Variants in GHR observed in about 807,000 individuals in gnomAD.
GHR encodes growth hormone receptor, also known as GH receptor.
A neutral mutation model predicts 67.1 loss-of-function variants in GHR; 35 were observed. The observed-to-expected ratio is 0.52, with a 90% CI of 0.40 to 0.69. The LOEUF (loss-of-function observed/expected upper bound fraction) is 0.69, where lower values mean the gene tolerates loss of function less well. Among genes scored for constraint, GHR ranks in the 30% least tolerant of loss-of-function variants. The pLI, the probability that GHR is intolerant of heterozygous loss-of-function variation, is 0.00. For missense variants in GHR, 792 were observed against 764.6 expected, an observed-to-expected ratio of 1.04 and a Z score of -0.42; for synonymous variants, 272 against 269.1, an observed-to-expected ratio of 1.01 and a Z score of -0.10.
chr5:42,690,149 T>C (rs745687621), intron 4 of GHR, among the ~76,000 whole-genome samples: 8 of 152,364 alleles, frequency 5.3e-5, no homozygotes, highest in Non-Finnish European at 1.0e-4. Flanking sequence ...CCCTTTATCC[T>C]TGGCTCAAGG....
intron 3 of GHR, among the ~76,000 whole-genome samples, chr5:42,653,506 G>A: frequency 6.6e-6 from 1 of 152,112 alleles, no homozygotes; most frequent in East Asian, 1.9e-4. Context: ...GAGCTTGTGA[G>A]GTTGTATTAT....
intron 1 of GHR, among the ~76,000 whole-genome samples, chr5:42,562,840 G>A (rs1374815810): frequency 6.6e-6 from 1 of 151,778 alleles, no homozygotes; most frequent in African/African-American, 2.4e-5. Flanking sequence ...TAGTAGAGAC[G>A]GGGTTTCACC....
intron 1 of GHR, among the ~76,000 whole-genome samples, chr5:42,519,687 A>G (rs182651824): frequency 6.6e-6 from 1 of 152,216 alleles, no homozygotes; most frequent in Non-Finnish European, 1.5e-5. Context: ...CCCCTTATCT[A>G]CATTTTAAAT....
intron 3 of GHR, among the ~76,000 whole-genome samples, chr5:42,676,586 G>GT: frequency 6.6e-6 from 1 of 151,872 alleles, no homozygotes; most frequent in African/African-American, 2.4e-5. Flanking sequence ...AACACCATAG[G>GT]TTAAAAAAAA....
At chr5:42,600,054 C>T (rs1279591901) in intron 2 of GHR, among the ~76,000 whole-genome samples, 2 of 152,176 alleles carry the variant, frequency 1.3e-5, no homozygotes, top group South Asian at 2.1e-4. Context: ...TTAGGCTAGA[C>T]ATCACTCTTT....
intron 1 of GHR, among the ~76,000 whole-genome samples, chr5:42,458,238 G>A (rs1744341052): frequency 6.6e-6 from 1 of 152,086 alleles, no homozygotes; most frequent in South Asian, 2.1e-4. Flanking sequence ...CATACTACAA[G>A]GCTACAGTAA....
intron 3 of GHR, among the ~76,000 whole-genome samples, chr5:42,635,687 G>A (rs1221864258): frequency 1.3e-5 from 2 of 152,118 alleles, no homozygotes; most frequent in African/African-American, 2.4e-5. Context: ...GCAATTTTCT[G>A]AGCAATGATA....
chr5:42,479,789 A>G (rs958791553), intron 1 of GHR, among the ~76,000 whole-genome samples: 2 of 151,916 alleles, frequency 1.3e-5, no homozygotes, highest in African/African-American at 4.8e-5. Flanking sequence ...CTTCTTTATT[A>G]GTCTTGCTAG....
At chr5:42,639,904 A>G (rs1754382114) in intron 3 of GHR, among the ~76,000 whole-genome samples, 1 of 152,168 alleles carries the variant, frequency 6.6e-6, no homozygotes, top group African/African-American at 2.4e-5. Context: ...TATTAGGTGA[A>G]TATCATACTA....
intron 1 of GHR, among the ~76,000 whole-genome samples, chr5:42,483,321 A>T (rs1051371655): frequency 6.6e-6 from 1 of 152,126 alleles, no homozygotes; most frequent in Non-Finnish European, 1.5e-5. Flanking sequence ...CAAAGTGCTG[A>T]AATTACAGGT....
intron 1 of GHR, among the ~76,000 whole-genome samples, chr5:42,494,254 C>A (rs958460249): frequency 1.1e-4 from 16 of 152,070 alleles, no homozygotes; most frequent in Admixed American, 3.9e-4. Flanking sequence ...CATCGGCAAC[C>A]ATATCCTGGC....
intron 1 of GHR, among the ~76,000 whole-genome samples, chr5:42,444,035 TATATATAATGG>T (rs1743706229): frequency 1.3e-5 from 2 of 151,954 alleles, no homozygotes; most frequent in Admixed American, 1.3e-4. Flanking sequence ...AGATAATGGA[TATATATAATGG>T]ATATATAATG....
At chr5:42,599,113 T>C (rs1752231571) in intron 2 of GHR, among the ~76,000 whole-genome samples, 1 of 152,228 alleles carries the variant, frequency 6.6e-6, no homozygotes, top group South Asian at 2.1e-4. Flanking sequence ...ATTTTGCTAG[T>C]AGCAGTGGAT....
At chr5:42,534,847 T>A (rs1372718216) in intron 1 of GHR, among the ~76,000 whole-genome samples, 3 of 151,978 alleles carry the variant, frequency 2.0e-5, no homozygotes, top group African/African-American at 4.8e-5. Flanking sequence ...TTTTTTTTAT[T>A]ATGGCCATCC....
In GHR at chr5:42,601,175, G is replaced by C. The variant is rs141029629; in HGVS notation, c.71-27863G>C. ...TTCCCGACTTGAGGTGATCCGCCCC[G>C]CTCAGCCTCCCAAAGTGCTGGGATT... is the stretch of plus-strand genomic sequence containing the variant. On this transcript the variant is annotated intron_variant, in intron 2 of 9. Coordinates refer to ENST00000230882, the MANE Select transcript of GHR (RefSeq NM_000163.5). Among the ~76,000 whole-genome samples, 657 of 151,666 alleles carry C rather than the reference G, an allele frequency of 4.3e-3. 3 individuals are homozygous for C. The highest frequency in any genetic ancestry group is 0.015 in the African/African-American group (635 of 41,386).
Position 42,575,432 on chromosome 5 carries a change from C to T in GHR, c.70+9488C>T, listed in dbSNP as rs150958443. Among the ~76,000 whole-genome samples, 391 of 151,878 alleles carry T rather than the reference C, an allele frequency of 2.6e-3. 2 individuals carry two copies. The highest frequency in any genetic ancestry group is 9.1e-3 in the African/African-American group (378 of 41,388). On this transcript the variant is annotated intron_variant, in intron 2 of 9. Coordinates refer to ENST00000230882, the MANE Select transcript of GHR (RefSeq NM_000163.5). ...ATTAGAAAATGGTCCAGGGAGAAAG[C>T]GATAGGAGAGTCAGAAAATGAGACG...
At chr5:42,528,349 G>C (rs1424602214) in intron 1 of GHR, among the ~76,000 whole-genome samples, 1 of 152,134 alleles carries the variant, frequency 6.6e-6, no homozygotes, top group East Asian at 1.9e-4. Flanking sequence ...AGAAGAAGTT[G>C]ATTCCAATTC....
chr5:42,488,475 T>C (rs1026897010), intron 1 of GHR, among the ~76,000 whole-genome samples: 1 of 152,238 alleles, frequency 6.6e-6, no homozygotes, highest in African/African-American at 2.4e-5. Flanking sequence ...CACCTTATTC[T>C]CATTTCATCT....
At chr5:42,572,584 G>A (rs1169591217) in intron 2 of GHR, among the ~76,000 whole-genome samples, 3 of 152,136 alleles carry the variant, frequency 2.0e-5, no homozygotes, top group Non-Finnish European at 4.4e-5. Context: ...GAGGCCTTGG[G>A]GCTTAGAGCA....
Sources: allele counts gnomAD v4.1 joint callset (sites outside exome capture counted in the v4.1 genomes callset), GRCh38; gene constraint gnomAD v4.1.1; transcripts MANE v1.5; gene names NCBI Gene and HGNC (gene_info 2026-07-23, HGNC 2026-07-21).